Variants in AMD1 observed in about 807,000 individuals in gnomAD.
The protein encoded by AMD1 is S-adenosylmethionine decarboxylase proenzyme.
A neutral mutation model predicts 40.2 loss-of-function variants in AMD1; 11 were observed. That is an observed-to-expected ratio of 0.27 (90% CI 0.17 to 0.45). The LOEUF (loss-of-function observed/expected upper bound fraction) is 0.45. AMD1 is among the 20% of genes least tolerant of loss of function. The pLI is 1.00. For missense variants in AMD1, 257 were observed against 410.2 expected (o/e 0.63, Z 3.23); for synonymous variants, 121 against 130.8 (o/e 0.93, Z 0.51).
intron 1 of AMD1, among the ~76,000 whole-genome samples, chr6:110,885,313 A>G (rs997577213): frequency 1.3e-5 from 2 of 152,094 alleles, no homozygotes. Flanking sequence ...GGGTTTCACC[A>G]TGTTGGCCAG....
Position 110,888,941 on chromosome 6 carries a change from G to C in AMD1, c.282G>C (p.Leu94=), listed in dbSNP as rs2115304498. The C allele has an allele frequency of 3.1e-6, 5 of 1,613,982 alleles. No individual in the cohort carries two copies. The highest frequency in any genetic ancestry group is 1.3e-5 in the African/African-American group (1 of 75,056). Residue 94 remains leucine, a synonymous_variant, in exon 3 of 9, where the codon CTG becomes CTC. Transcript: ENST00000368885. Reference sequence around the variant, plus strand: ...TCTTGCTGAAAGCACTGGTTCCCCTGTTGAAGCTTGCTAGGGATTACAGTG... The same window carrying C: ...TCTTGCTGAAAGCACTGGTTCCCCTCTTGAAGCTTGCTAGGGATTACAGTG... ...TTLLLKALVP[L]LKLARDYSGF... is the part of the protein sequence containing the mutation.
intron 1 of AMD1, among the ~76,000 whole-genome samples, chr6:110,877,445 G>A (rs1013634006): frequency 1.3e-5 from 2 of 152,262 alleles, no homozygotes; most frequent in African/African-American, 4.8e-5. Context: ...TATCATGGAC[G>A]GAGTCCGGTC....
At chr6:110,822,365 C>A in the AMD1 span, among the ~76,000 whole-genome samples, 4 of 152,052 alleles carry the variant, frequency 2.6e-5, no homozygotes, top group Non-Finnish European at 4.4e-5. Flanking sequence ...ATATACAACA[C>A]TCCTAGTTTG....
intron 2 of AMD1, 123 bp from the exon 3 acceptor site, chr6:110,888,734 C>A (rs967346738): frequency 4.2e-5 from 39 of 936,644 alleles, no homozygotes; most frequent in Non-Finnish European, 6.2e-5. Flanking sequence ...GTGTTACTTG[C>A]TTCCTTGAGA....
the AMD1 span, among the ~76,000 whole-genome samples, chr6:110,853,482 A>G: frequency 6.6e-6 from 1 of 151,498 alleles, no homozygotes; most frequent in Non-Finnish European, 1.5e-5. Flanking sequence ...TAATTTTTGT[A>G]TTTTTTAGTA....
chr6:110,893,432 C>T (rs1462846311), intron 8 of AMD1, 44 bp from the exon 9 acceptor site: 2 of 1,606,708 alleles, frequency 1.2e-6, no homozygotes, highest in South Asian at 2.2e-5. Context: ...GAAAATACTT[C>T]TCTGGATTGC....
At chr6:110,867,544 G>T in the AMD1 span, among the ~76,000 whole-genome samples, 237 of 152,192 alleles carry the variant, frequency 1.6e-3, no homozygotes, top group African/African-American at 5.2e-3. Context: ...GGTGCCTGCA[G>T]TCCCAGCTAC....
chr6:110,843,635 G>A, the AMD1 span, among the ~76,000 whole-genome samples: 1 of 152,072 alleles, frequency 6.6e-6, no homozygotes, highest in African/African-American at 2.4e-5. Flanking sequence ...TACCCAGGCT[G>A]GAGTGCAGTG....
chr6:110,861,004 T>A, the AMD1 span, among the ~76,000 whole-genome samples: 6 of 151,896 alleles, frequency 4.0e-5, no homozygotes, highest in Non-Finnish European at 7.4e-5. Context: ...GGCGGGTGGA[T>A]CACTTGAGGT....
At chr6:110,886,319 A>G (rs1785682606) in intron 1 of AMD1, among the ~76,000 whole-genome samples, 1 of 151,892 alleles carries the variant, frequency 6.6e-6, no homozygotes, top group Non-Finnish European at 1.5e-5. Flanking sequence ...TTTTTTAAAG[A>G]CCAGGGTATT....
the AMD1 span, among the ~76,000 whole-genome samples, chr6:110,850,005 CAG>C: frequency 1.3e-4 from 19 of 144,696 alleles, no homozygotes; most frequent in Non-Finnish European, 3.0e-5. Flanking sequence ...AGCCTGGTGA[CAG>C]AGCAAAACAC....
At chr6:110,844,842 T>C in the AMD1 span, among the ~76,000 whole-genome samples, 44 of 152,092 alleles carry the variant, frequency 2.9e-4, no homozygotes, top group African/African-American at 1.0e-3. Context: ...GGGTAATTTA[T>C]AAAGAAAAGA....
Position 110,894,658 on chromosome 6 carries a change from A to C in AMD1, c.*1042A>C, listed in dbSNP as rs1289335761. ...ATTTTGTTCTGGATTCAGTAAATCA[A>C]GTCAGCTTGGATCATTCACCTTAAC... On this transcript the variant is annotated 3_prime_UTR_variant, in exon 9 of 9. Transcript: ENST00000368885. 2 of 152,224 alleles carry C rather than the reference A, an allele frequency of 1.3e-5. No homozygotes were observed. The highest frequency in any genetic ancestry group is 2.9e-5 in the Non-Finnish European group (2 of 68,032). The allele number at this position is 152,224 out of a possible 1,614,324, so 9.4% of individuals were successfully genotyped here.
the AMD1 span, among the ~76,000 whole-genome samples, chr6:110,844,790 A>AAAAGAAAG: frequency 1.3e-4 from 20 of 151,570 alleles, no homozygotes; most frequent in African/African-American, 3.2e-4. Flanking sequence ...TCAGAAAAAA[A>AAAAGAAAG]AAAGAAAGAA....
At chr6:110,830,366 T>G in the AMD1 span, among the ~76,000 whole-genome samples, 7 of 152,092 alleles carry the variant, frequency 4.6e-5, no homozygotes, top group African/African-American at 1.2e-4. Context: ...CTGCCCAAGC[T>G]GGAGTGCCAC....
Position 110,893,465 on chromosome 6 carries a change from T to C in AMD1, c.865-11T>C. On this transcript the variant is annotated splice_polypyrimidine_tract_variant and intron_variant, in intron 8 of 8. Transcript: ENST00000368885. ...TGCAAACACTAACGGTTATTTAATTTTTTCCCCCAGAGTTCTAAATGTCGC... is the reference window on the plus strand; with the variant it reads ...TGCAAACACTAACGGTTATTTAATTCTTTCCCCCAGAGTTCTAAATGTCGC... 4 of 1,613,002 alleles carry C rather than the reference T, an allele frequency of 2.5e-6. No homozygotes were observed. The highest frequency in any genetic ancestry group is 3.4e-6 in the Non-Finnish European group (4 of 1,179,614).
chr6:110,888,787 T>C, intron 2 of AMD1, 70 bp from the exon 3 acceptor site: 1 of 1,463,674 alleles, frequency 6.8e-7, no homozygotes, highest in Non-Finnish European at 9.3e-7. Context: ...AAATGATAAT[T>C]AAATTGGTTG....
chr6:110,885,907 C>T (rs77085844), intron 1 of AMD1, among the ~76,000 whole-genome samples: 5,595 of 152,174 alleles, frequency 0.037, 132 homozygotes, highest in Middle Eastern at 0.071. Flanking sequence ...TTAATACAAA[C>T]GAATAAAAAC....
chr6:110,874,990 A>C lies in AMD1; in HGVS notation c.-116A>C. 1.4e-6 allele frequency: 1 copy of C among 700,034 alleles called. No homozygotes were observed. The highest frequency in any genetic ancestry group is 2.4e-6 in the Non-Finnish European group (1 of 425,114). 43.4% of individuals were successfully genotyped at this position (700,034 alleles called of 1,614,324 possible). Reference sequence around the variant, plus strand: ...AAAATTATAGCAAAAAAAAAAAGGAACCTGAACTTTAGTAACACAGCTGGA... The same window carrying C: ...AAAATTATAGCAAAAAAAAAAAGGACCCTGAACTTTAGTAACACAGCTGGA... On this transcript the variant is annotated 5_prime_UTR_variant, in exon 1 of 9. Coordinates refer to ENST00000368885, the MANE Select transcript of AMD1 (RefSeq NM_001634.6).
Sources: allele counts gnomAD v4.1 joint callset (sites outside exome capture counted in the v4.1 genomes callset), GRCh38; gene constraint gnomAD v4.1.1; transcripts MANE v1.5; gene names NCBI Gene and HGNC (gene_info 2026-07-23, HGNC 2026-07-21).